TSPEAR: variants seen among roughly 807,000 people sequenced by gnomAD.
TSPEAR encodes the protein thrombospondin type laminin G domain and EAR repeats.
TSPEAR carries 69 observed loss-of-function variants against 71.6 expected under a neutral mutation model. The observed-to-expected ratio is 0.96, with a 90% confidence interval of 0.79 to 1.18. TSPEAR has a LOEUF of 1.18. TSPEAR is among the 50% of genes most tolerant of loss of function. TSPEAR has a pLI of 0.00. For missense variants in TSPEAR, 971 were observed against 894.9 expected, an observed-to-expected ratio of 1.09 and a Z score of -1.09; for synonymous variants, 402 against 387.2, an observed-to-expected ratio of 1.04 and a Z score of -0.45.
intron 2 of TSPEAR, chr21:44,557,716 C>T (rs990723839): frequency 9.5e-5 from 33 of 347,190 alleles, no homozygotes; most frequent in Non-Finnish European, 1.4e-4. Flanking sequence ...GCCAGAGTCC[C>T]GAAGCTCCCA....
intron 1 of TSPEAR, chr21:44,637,545 C>G (rs587667830): frequency 6.2e-7 from 1 of 1,613,630 alleles, no homozygotes; most frequent in African/African-American, 1.3e-5. Flanking sequence ...CTGGTCTGCA[C>G]CCCAGTGAGC....
At chr21:44,622,171 ACT>A (rs1178284776) in intron 1 of TSPEAR, among the ~76,000 whole-genome samples, 3 of 152,210 alleles carry the variant, frequency 2.0e-5, no homozygotes, top group East Asian at 1.9e-4. Context: ...ACCCCAAAGG[ACT>A]CTCTCTGTAT....
intron 1 of TSPEAR, among the ~76,000 whole-genome samples, chr21:44,684,548 C>G (rs957545317): frequency 2.0e-5 from 3 of 152,218 alleles, no homozygotes; most frequent in Non-Finnish European, 4.4e-5. Context: ...ACCCCAGAAA[C>G]TGAGATTGAA....
chr21:44,692,012 G>A (rs1555949786), intron 1 of TSPEAR, among the ~76,000 whole-genome samples: 1 of 152,128 alleles, frequency 6.6e-6, no homozygotes. Context: ...TATATACCAT[G>A]ACCAAGTTGG....
chr21:44,642,639 C>T lies in TSPEAR; in HGVS notation c.82+68794G>A, dbSNP rs1984080652. Among the ~76,000 whole-genome samples the T allele has an allele frequency of 6.6e-6, 1 of 152,068 alleles. No individual in the cohort carries two copies. ...CAGGCAGATCACGAGGTCAGGAGAT[C>T]GAGACCATCCTGGCTAACACGGTGA... is the stretch of plus-strand genomic sequence containing the variant. On this transcript the variant is annotated intron_variant, in intron 1 of 11. Coordinates refer to ENST00000323084, the MANE Select transcript of TSPEAR (RefSeq NM_144991.3). This position sits in a 1 kb window ranked among gnomAD's most constrained non-coding sequence, Gnocchi z 4.1.
chr21:44,637,357 A>C, intron 1 of TSPEAR: 7 of 1,562,694 alleles, frequency 4.5e-6, no homozygotes, highest in Non-Finnish European at 6.1e-6. Context: ...TCACACACAC[A>C]CTCACTCACA....
At chr21:44,615,284 G>C (rs1194627033) in intron 1 of TSPEAR, among the ~76,000 whole-genome samples, 1 of 152,254 alleles carries the variant, frequency 6.6e-6, no homozygotes, top group Non-Finnish European at 1.5e-5. Context: ...AGGGCCGTGC[G>C]CTCACCCGAC....
chr21:44,585,322 C>G (rs1161306432), intron 1 of TSPEAR, among the ~76,000 whole-genome samples: 1 of 152,186 alleles, frequency 6.6e-6, no homozygotes, highest in South Asian at 2.1e-4. Context: ...TTTCCTCTTT[C>G]CAGAACCTGG....
At chr21:44,548,954 G>T (rs1337962408) in intron 2 of TSPEAR, among the ~76,000 whole-genome samples, 1 of 152,226 alleles carries the variant, frequency 6.6e-6, no homozygotes, top group Non-Finnish European at 1.5e-5. Context: ...TAAGGAAAAC[G>T]AGCGCTTAGA....
At chr21:44,586,199 A>T (rs1979328883) in intron 1 of TSPEAR, among the ~76,000 whole-genome samples, 1 of 152,224 alleles carries the variant, frequency 6.6e-6, no homozygotes, top group Admixed American at 6.5e-5. Context: ...GGCTGTCCTC[A>T]TGTGCTGTCC....
chr21:44,612,509 A>G lies in TSPEAR; in HGVS notation c.83-44504T>C, dbSNP rs114515285. On this transcript the variant is annotated intron_variant, in intron 1 of 11. Coordinates refer to ENST00000323084, the MANE Select transcript of TSPEAR (RefSeq NM_144991.3). This position sits in a 1 kb window ranked among gnomAD's most constrained non-coding sequence, Gnocchi z 4.1. ...CTGCAAGCCCGTGTGCTGCGTGTCC[A>G]TCTGCTCTGGAGCTTCCTCCCCATG... 6.2e-7 allele frequency: 1 copy of G among 1,604,482 alleles called. No individual in the cohort carries two copies. The highest frequency in any genetic ancestry group is 8.5e-7 in the Non-Finnish European group (1 of 1,176,318).
intron 1 of TSPEAR, among the ~76,000 whole-genome samples, chr21:44,619,400 T>A (rs920239651): frequency 3.9e-5 from 6 of 152,222 alleles, no homozygotes; most frequent in African/African-American, 7.2e-5. Context: ...CCCAGAAATA[T>A]CCCTTTGTAA....
intron 7 of TSPEAR, among the ~76,000 whole-genome samples, chr21:44,526,493 C>CAAAA (rs74818663): frequency 0.033 from 4,535 of 138,398 alleles, 246 homozygotes; most frequent in African/African-American, 0.11. Context: ...TGTCATCAAT[C>CAAAA]AAAAAAAAAA....
chr21:44,652,174 G>A (rs1030684648), intron 1 of TSPEAR, among the ~76,000 whole-genome samples: 3 of 151,952 alleles, frequency 2.0e-5, no homozygotes, highest in South Asian at 2.1e-4. Context: ...TAGTAGAGAC[G>A]GGGTTTCACT....
intron 1 of TSPEAR, among the ~76,000 whole-genome samples, chr21:44,606,820 TAGAAAC>T (rs1306040306): frequency 6.6e-6 from 1 of 151,932 alleles, no homozygotes; most frequent in East Asian, 1.9e-4. Context: ...CTGTCAAACT[TAGAAAC>T]AGAGAGCAGA....
intron 1 of TSPEAR, among the ~76,000 whole-genome samples, chr21:44,589,045 T>A (rs1555926060): frequency 6.6e-6 from 1 of 152,032 alleles, no homozygotes; most frequent in Admixed American, 6.5e-5. Flanking sequence ...ACAAATAGGG[T>A]GCAGTGTATA....
intron 1 of TSPEAR, among the ~76,000 whole-genome samples, chr21:44,580,931 G>A (rs782059273): frequency 7.2e-5 from 11 of 152,186 alleles, no homozygotes; most frequent in African/African-American, 9.7e-5. Context: ...TTTTAGAGAT[G>A]AAGACTTCTC....
chr21:44,527,756 T>C (rs587618588), intron 6 of TSPEAR, among the ~76,000 whole-genome samples: 111 of 152,356 alleles, frequency 7.3e-4, no homozygotes, highest in Non-Finnish European at 1.4e-3. Flanking sequence ...ATGTTGTGGG[T>C]TGTGGCCTTG....
rs2052901958 is a variant in TSPEAR, at chr21:44,528,525, G to C, written c.849C>G (p.Ala283=). The change falls in exon 6 of 12, where the codon GCC becomes GCG. Residue 283 remains alanine (A), a synonymous_variant. Transcript: ENST00000323084. The part of the protein sequence containing the change: ...PQPPCTEVED[A]QFWFDASRKG... ...TCCGGCTGGCATCAAACCAGAACTGGGCGTCTTCCACCTCGGTACACGGTG... is the reference window on the plus strand; with the variant it reads ...TCCGGCTGGCATCAAACCAGAACTGCGCGTCTTCCACCTCGGTACACGGTG... The C allele has an allele frequency of 6.2e-7, 1 of 1,614,036 alleles. No individual in the cohort carries two copies. The highest frequency in any genetic ancestry group is 8.5e-7 in the Non-Finnish European group (1 of 1,180,046).
Sources: gnomAD v4.1 joint callset for allele counts (sites outside exome capture counted in the v4.1 genomes callset) on GRCh38, gnomAD v4.1.1 for gene constraint, Gnocchi (gnomAD v3.1) non-coding constraint, MANE v1.5 for transcripts, NCBI Gene and HGNC (gene_info 2026-07-23, HGNC 2026-07-21) for gene names.